WWTR1: variants seen among roughly 807,000 people sequenced by gnomAD.
WWTR1 encodes WW domain-containing transcription regulator protein 1.
In WWTR1, 13 loss-of-function variants were observed where a neutral mutation model predicts 40.1. The ratio of observed to expected loss-of-function variants is 0.32; its 90% confidence interval spans 0.21 to 0.52. WWTR1 has a LOEUF of 0.52. Among genes scored for constraint, WWTR1 ranks in the 20% least tolerant of loss-of-function variants. The pLI is 0.97. For synonymous variants in WWTR1, 230 were observed against 210.1 expected, an observed-to-expected ratio of 1.09 and a Z score of -0.82; for missense variants, 436 against 523.1, an observed-to-expected ratio of 0.83 and a Z score of 1.63.
intron 4 of WWTR1, among the ~76,000 whole-genome samples, chr3:149,723,392 T>G (rs6781599): frequency 4.5e-4 from 68 of 152,146 alleles, no homozygotes; most frequent in African/African-American, 1.6e-3. Flanking sequence ...TTCTCCGTGT[T>G]GGTCAGGCTG....
rs182412127 is a variant in WWTR1, at chr3:149,590,349, T to C, written c.432-17349A>G. 1.1e-4 allele frequency among the ~76,000 whole-genome samples: 17 copies of C among 152,262 alleles called. No individual in the cohort carries two copies. In the East Asian group the frequency reaches 1.7e-3, roughly 16 times the overall value. On this transcript the variant is annotated intron_variant, in intron 2 of 6. Coordinates refer to ENST00000360632, the MANE Select transcript of WWTR1 (RefSeq NM_015472.6). ...TACATAACAGGCTTACTAATCTCTGTTTTTAAGAAATAAAAATGGGCCGGG... is the reference window on the plus strand; with the variant it reads ...TACATAACAGGCTTACTAATCTCTGCTTTTAAGAAATAAAAATGGGCCGGG...
chr3:149,585,109 C>G (rs1180915428), intron 2 of WWTR1, among the ~76,000 whole-genome samples: 1 of 127,658 alleles, frequency 7.8e-6, no homozygotes, highest in South Asian at 2.9e-4. Flanking sequence ...TACAGATATA[C>G]TTGATTTCTT....
chr3:149,599,913 C>T (rs995474088), intron 2 of WWTR1, among the ~76,000 whole-genome samples: 6 of 152,042 alleles, frequency 3.9e-5, no homozygotes, highest in Non-Finnish European at 8.8e-5. Context: ...TGGGATTCAA[C>T]CAACATTGGC....
At chr3:149,603,116 C>T (rs1297304746) in intron 2 of WWTR1, among the ~76,000 whole-genome samples, 1 of 152,148 alleles carries the variant, frequency 6.6e-6, no homozygotes, top group Admixed American at 6.5e-5. Flanking sequence ...TAAGAGGAGA[C>T]TCTAAAGTTA....
intron 2 of WWTR1, among the ~76,000 whole-genome samples, chr3:149,622,514 A>G (rs142649285): frequency 3.1e-4 from 40 of 130,668 alleles, no homozygotes; most frequent in African/African-American, 5.9e-4. Flanking sequence ...AGAAAGAAAG[A>G]AAGAAAGAAA....
At chr3:149,676,940 C>T (rs1437073288) in intron 1 of WWTR1, among the ~76,000 whole-genome samples, 4 of 149,004 alleles carry the variant, frequency 2.7e-5, no homozygotes, top group Non-Finnish European at 3.0e-5. Flanking sequence ...TTTTTTTAGA[C>T]GGAGTTTCCC....
At chr3:149,582,297 G>A (rs990353415) in intron 2 of WWTR1, among the ~76,000 whole-genome samples, 39 of 151,380 alleles carry the variant, frequency 2.6e-4, no homozygotes, top group African/African-American at 9.2e-4. Flanking sequence ...AAAAAAAAAA[G>A]GACTGGGAGT....
intron 4 of WWTR1, among the ~76,000 whole-genome samples, chr3:149,719,727 C>T (rs1715711840): frequency 6.6e-6 from 1 of 152,132 alleles, no homozygotes; most frequent in Non-Finnish European, 1.5e-5. Flanking sequence ...TCTATATCCC[C>T]CAAACAGGCA....
intron 4 of WWTR1, among the ~76,000 whole-genome samples, chr3:149,541,330 T>A (rs1053268180): frequency 4.6e-5 from 7 of 152,196 alleles, no homozygotes; most frequent in African/African-American, 1.7e-4. Context: ...TCTCTTGTAT[T>A]CGTTTTTGAA....
chr3:149,679,192 G>T (rs1283673239), intron 1 of WWTR1, among the ~76,000 whole-genome samples: 1 of 139,658 alleles, frequency 7.2e-6, no homozygotes, highest in Non-Finnish European at 1.5e-5. Context: ...ATCAGTAAAG[G>T]TTGTTGTTTT....
intron 2 of WWTR1, among the ~76,000 whole-genome samples, chr3:149,598,896 T>G (rs1163104212): frequency 6.6e-6 from 1 of 152,232 alleles, no homozygotes; most frequent in African/African-American, 2.4e-5. Context: ...ATCATTTGCT[T>G]ATTTTTTTTA....
chr3:149,715,346 T>G (rs1038398650), intron 5 of WWTR1, among the ~76,000 whole-genome samples: 1 of 152,238 alleles, frequency 6.6e-6, no homozygotes, highest in Non-Finnish European at 1.5e-5. Flanking sequence ...GTCAAGCTTC[T>G]GGGCGTCACT....
At chr3:149,534,519 C>A (rs979777638) in intron 4 of WWTR1, among the ~76,000 whole-genome samples, 1 of 152,202 alleles carries the variant, frequency 6.6e-6, no homozygotes, top group African/African-American at 2.4e-5. Flanking sequence ...GTTTTCCTCC[C>A]TGAACAGGGC....
At chr3:149,693,556 AAT>A (rs1005562071) in intron 1 of WWTR1, among the ~76,000 whole-genome samples, 10 of 152,194 alleles carry the variant, frequency 6.6e-5, no homozygotes, top group African/African-American at 2.4e-4. Flanking sequence ...AAACTGGAGG[AAT>A]CACATTACTT....
chr3:149,538,498 T>C (rs1282163127), intron 4 of WWTR1, among the ~76,000 whole-genome samples: 1 of 152,196 alleles, frequency 6.6e-6, no homozygotes, highest in Non-Finnish European at 1.5e-5. Context: ...GTCTGCCGCA[T>C]TCCAAGATAA....
intron 4 of WWTR1, among the ~76,000 whole-genome samples, chr3:149,530,296 C>T (rs1477105562): frequency 2.6e-5 from 4 of 151,336 alleles, no homozygotes; most frequent in East Asian, 1.9e-4. Context: ...TGCATTGAGC[C>T]GAGATTGCAC....
At chr3:149,706,187 A>T (rs140415773), upstream of WWTR1, among the ~76,000 whole-genome samples, 887 of 152,300 alleles carry the variant, frequency 5.8e-3, 7 homozygotes, top group African/African-American at 0.02. Context: ...TGGGTGACAG[A>T]GAGAGACTCT....
intron 2 of WWTR1, among the ~76,000 whole-genome samples, chr3:149,579,103 T>C (rs574033481): frequency 6.6e-6 from 1 of 152,340 alleles, no homozygotes; most frequent in South Asian, 2.1e-4. Context: ...TGAAAGAATT[T>C]AAAACTATTA....
At chr3:149,598,156 A>G (rs542261259) in intron 2 of WWTR1, among the ~76,000 whole-genome samples, 2 of 152,222 alleles carry the variant, frequency 1.3e-5, no homozygotes, top group Non-Finnish European at 2.9e-5. Context: ...AAACCCCCCA[A>G]TAGATCCTTC....
Sources: gnomAD v4.1 joint callset for allele counts (sites outside exome capture counted in the v4.1 genomes callset) on GRCh38, gnomAD v4.1.1 for gene constraint, MANE v1.5 for transcripts, NCBI Gene and HGNC (gene_info 2026-07-23, HGNC 2026-07-21) for gene names.